The following DOCK2 variants were observed in gnomAD, a reference collection of about 807,000 sequenced individuals.
DOCK2 encodes dedicator of cytokinesis 2, also known as dedicator of cytokinesis protein 2.
A neutral mutation model predicts 248.9 loss-of-function variants in DOCK2; 87 were observed. The ratio of observed to expected loss-of-function variants is 0.35; its 90% CI spans 0.29 to 0.42. The LOEUF (loss-of-function observed/expected upper bound fraction) is 0.42, where lower values mean the gene tolerates loss of function less well. DOCK2 is among the 10% of genes least tolerant of loss of function. The pLI is 1.00. For synonymous variants in DOCK2, 805 were observed against 821.6 expected (o/e 0.98, Z 0.35); for missense variants, 1,747 against 2,300.2 (o/e 0.76, Z 4.92).
At chr5:169,883,419 C>T (rs1414625939) in intron 27 of DOCK2, 3 of 1,551,682 alleles carry the variant, frequency 1.9e-6, no homozygotes, top group South Asian at 1.2e-5. Context: ...CCCTTCGAGG[C>T]CCATCCTCAA....
chr5:169,754,922 T>TATTTATTTATTTA (rs1554097254), intron 23 of DOCK2, among the ~76,000 whole-genome samples: 1 of 139,334 alleles, frequency 7.2e-6, no homozygotes, highest in Non-Finnish European at 1.6e-5. Flanking sequence ...TATTTTTTAT[T>TATTTATTTATTTA]ATTTATTTAT....
At chr5:169,836,442 T>A (rs1272304018) in intron 26 of DOCK2, among the ~76,000 whole-genome samples, 1 of 152,250 alleles carries the variant, frequency 6.6e-6, no homozygotes, top group African/African-American at 2.4e-5. Flanking sequence ...AACTACTAAC[T>A]CTGCAAGGTT....
intron 26 of DOCK2, among the ~76,000 whole-genome samples, chr5:169,816,759 G>T (rs1490133854): frequency 1.3e-5 from 2 of 152,020 alleles, no homozygotes; most frequent in African/African-American, 4.8e-5. Flanking sequence ...TTTGATACAG[G>T]CATGGACTGC....
At chr5:169,747,164 C>T (rs575792181) in intron 22 of DOCK2, among the ~76,000 whole-genome samples, 6 of 152,190 alleles carry the variant, frequency 3.9e-5, no homozygotes, top group South Asian at 2.1e-4. Context: ...TAAAAAAATA[C>T]GGCAGAAGGT....
intron 33 of DOCK2, among the ~76,000 whole-genome samples, chr5:170,024,924 C>T (rs1311230517): frequency 6.6e-6 from 1 of 152,148 alleles, no homozygotes; most frequent in African/African-American, 2.4e-5. Context: ...CTTTTGTGAT[C>T]CTGAGACAAG....
intron 27 of DOCK2, among the ~76,000 whole-genome samples, chr5:169,845,052 A>G (rs1020872914): frequency 6.6e-6 from 1 of 151,474 alleles, no homozygotes; most frequent in East Asian, 1.9e-4. Flanking sequence ...GATGTCTCTC[A>G]GGAATCTCAA....
intron 45 of DOCK2, among the ~76,000 whole-genome samples, chr5:170,068,444 T>G (rs1757570333): frequency 6.6e-6 from 1 of 152,218 alleles, no homozygotes; most frequent in Admixed American, 6.5e-5. Context: ...CTTTCCTATG[T>G]TATCCATTGA....
intron 27 of DOCK2, among the ~76,000 whole-genome samples, chr5:169,888,727 G>A (rs1478426787): frequency 6.6e-6 from 1 of 152,150 alleles, no homozygotes. Flanking sequence ...TTGTAAAACC[G>A]CCTAAACTGG....
At chr5:169,700,282 G>A (rs1465904139) in intron 13 of DOCK2, 143 bp downstream of exon 13, 2 of 1,256,264 alleles carry the variant, frequency 1.6e-6, no homozygotes, top group Non-Finnish European at 2.1e-6. Flanking sequence ...AACTAAAAAT[G>A]ATGTCTGTAT....
At chr5:169,936,716 A>G (rs1204811019) in intron 27 of DOCK2, among the ~76,000 whole-genome samples, 1 of 151,690 alleles carries the variant, frequency 6.6e-6, no homozygotes, top group Non-Finnish European at 1.5e-5. Flanking sequence ...GCTCCAGCCT[A>G]TATAGATTTG....
chr5:169,816,675 C>T (rs1768086203), intron 26 of DOCK2, among the ~76,000 whole-genome samples: 1 of 152,012 alleles, frequency 6.6e-6, no homozygotes, highest in South Asian at 2.1e-4. Flanking sequence ...TTTTTTCCCT[C>T]CTTTTCTTTT....
chr5:169,684,158 T>C (rs1261711155), intron 7 of DOCK2, 38 bp from the exon 8 acceptor site: 2 of 1,611,330 alleles, frequency 1.2e-6, no homozygotes, highest in Non-Finnish European at 1.7e-6. Flanking sequence ...CTAGGCTAAT[T>C]TTCTCCATCT....
At chr5:169,780,315 GTGTGTGTGTGTGTGTGT>G (rs1301452122) in intron 25 of DOCK2, among the ~76,000 whole-genome samples, 1 of 146,844 alleles carries the variant, frequency 6.8e-6, no homozygotes, top group Non-Finnish European at 1.5e-5. Flanking sequence ...GTGTGTGTGT[GTGTGTGTGTGTGTGTGT>G]GTGTGTGTTG....
chr5:169,877,116 A>G (rs894685570), intron 27 of DOCK2, among the ~76,000 whole-genome samples: 1 of 152,194 alleles, frequency 6.6e-6, no homozygotes, highest in African/African-American at 2.4e-5. Context: ...TATCCACACA[A>G]AGCAGGGCAG....
chr5:169,641,842 C>A (rs535366730), intron 1 of DOCK2, among the ~76,000 whole-genome samples: 1 of 152,334 alleles, frequency 6.6e-6, no homozygotes, highest in South Asian at 2.1e-4. Flanking sequence ...GTTCAAGCAT[C>A]CACTGAATCT....
intron 1 of DOCK2, among the ~76,000 whole-genome samples, chr5:169,644,370 C>G (rs1408047211): frequency 1.3e-5 from 2 of 152,066 alleles, no homozygotes; most frequent in African/African-American, 4.8e-5. Flanking sequence ...CAGGAGGGAG[C>G]AGTGGAGACA....
At position 170,075,934 on chromosome 5, in the gene DOCK2, A is replaced by G; in HGVS notation, c.4729-13A>G. 1 of 1,613,600 alleles carries G rather than the reference A, an allele frequency of 6.2e-7. No individual in the cohort carries two copies. The highest frequency in any genetic ancestry group is 8.5e-7 in the Non-Finnish European group (1 of 1,179,806). On this transcript the variant is annotated splice_polypyrimidine_tract_variant and intron_variant, in intron 46 of 51. Transcript: ENST00000520908. The stretch of plus-strand genomic sequence containing the variant: ...GTCAGCCTCTGGCTCATTCTTTACC[A>G]CTTTCTCTCCAGATCCCCTTCTTGG...
chr5:169,921,849 A>T (rs575608115), intron 27 of DOCK2, among the ~76,000 whole-genome samples: 1 of 152,326 alleles, frequency 6.6e-6, no homozygotes, highest in East Asian at 1.9e-4. Context: ...ATAGTGCACA[A>T]ATACAATATT....
intron 27 of DOCK2, among the ~76,000 whole-genome samples, chr5:169,843,643 C>A (rs1000715523): frequency 6.6e-6 from 1 of 152,172 alleles, no homozygotes. Context: ...AGTTATGCAA[C>A]CATCACCGTA....
Sources: gnomAD v4.1 joint callset for allele counts (sites outside exome capture counted in the v4.1 genomes callset) on GRCh38, gnomAD v4.1.1 for gene constraint, MANE v1.5 for transcripts, NCBI Gene and HGNC (gene_info 2026-07-23, HGNC 2026-07-21) for gene names.